MARCHF10: variants seen among roughly 807,000 people sequenced by gnomAD.
MARCHF10 encodes membrane associated ring-CH-type finger 10, also known as probable E3 ubiquitin-protein ligase MARCHF10.
A neutral mutation model predicts 76.2 loss-of-function variants in MARCHF10; 64 were observed. That is an observed-to-expected ratio of 0.84 (90% CI 0.69 to 1.03). The LOEUF is 1.03. Among genes scored for constraint, MARCHF10 ranks in the 50% least tolerant of loss-of-function variants. The pLI is 0.00. For synonymous variants in MARCHF10, 340 were observed against 357.5 expected (o/e 0.95, Z 0.55); for missense variants, 875 against 958.0 (o/e 0.91, Z 1.14).
intron 9 of MARCHF10, among the ~76,000 whole-genome samples, chr17:62,708,491 G>C (rs2089729900): frequency 6.6e-6 from 1 of 152,174 alleles, no homozygotes; most frequent in African/African-American, 2.4e-5. Flanking sequence ...TGATCCACCT[G>C]TCTCGGCCTC....
intron 4 of MARCHF10, chr17:62,750,153 TC>T: frequency 6.5e-6 from 1 of 153,448 alleles, no homozygotes; most frequent in Non-Finnish European, 1.5e-5. Context: ...AAGCCCGAAG[TC>T]CCCTCTCCCC....
At chr17:62,727,803 C>T (rs1032617364) in intron 6 of MARCHF10, among the ~76,000 whole-genome samples, 1 of 152,204 alleles carries the variant, frequency 6.6e-6, no homozygotes, top group African/African-American at 2.4e-5. Context: ...AAGGCATTCT[C>T]ACAGAAGCAT....
intron 4 of MARCHF10, among the ~76,000 whole-genome samples, chr17:62,759,175 G>A (rs1019216755): frequency 6.6e-6 from 1 of 152,202 alleles, no homozygotes; most frequent in Non-Finnish European, 1.5e-5. Flanking sequence ...AGATGTATTT[G>A]AAAGCTTCTC....
chr17:62,726,630 TTTG>T lies in MARCHF10; in HGVS notation c.1938-1529_1938-1527del, dbSNP rs575898196. ...GCAGAAAAGTGGTAGAAGATTATTT[TTTG>T]TTGTTGTTGTTTGTTTTGAGATGGA... is the stretch of plus-strand genomic sequence containing the variant. On this transcript the variant is annotated intron_variant, in intron 6 of 10. Transcript: ENST00000311269. Among the ~76,000 whole-genome samples the T allele has an allele frequency of 2.1e-3, 327 of 152,226 alleles. 1 individual carries two copies. The highest frequency in any genetic ancestry group is 7.5e-3 in the African/African-American group (311 of 41,534).
chr17:62,778,075 G>A (rs904832348), intron 3 of MARCHF10, among the ~76,000 whole-genome samples: 2 of 152,226 alleles, frequency 1.3e-5, no homozygotes, highest in Non-Finnish European at 2.9e-5. Flanking sequence ...CCCAGCCTAA[G>A]GGAGGAGGCA....
chr17:62,780,576 A>G (rs1301743758), intron 3 of MARCHF10, among the ~76,000 whole-genome samples: 1 of 152,152 alleles, frequency 6.6e-6, no homozygotes. Flanking sequence ...TGTAACCTTG[A>G]GTCCTGGTGA....
chr17:62,747,916 C>T (rs2091762398), intron 4 of MARCHF10, among the ~76,000 whole-genome samples: 1 of 152,188 alleles, frequency 6.6e-6, no homozygotes, highest in African/African-American at 2.4e-5. Flanking sequence ...CAAAGATGAA[C>T]AAGATGTTGC....
At chr17:62,763,216 G>C (rs149348011) in intron 3 of MARCHF10, among the ~76,000 whole-genome samples, 1 of 152,248 alleles carries the variant, frequency 6.6e-6, no homozygotes, top group East Asian at 1.9e-4. Context: ...AAATTAACTA[G>C]CTAACTACTG....
intron 3 of MARCHF10, 133 bp from the exon 4 acceptor site, chr17:62,760,139 G>GCCCGTTCAC (rs2092159062): frequency 2.9e-6 from 2 of 689,740 alleles, no homozygotes; most frequent in South Asian, 3.8e-5. Flanking sequence ...AGGTCAACAC[G>GCCCGTTCAC]CCCGTTCACC....
At chr17:62,732,992 C>CAAAAAAAAAAAAAAAAAAAAAACAAA in intron 6 of MARCHF10, among the ~76,000 whole-genome samples, 1 of 66,548 alleles carries the variant, frequency 1.5e-5, no homozygotes, top group African/African-American at 5.3e-5. Flanking sequence ...GACTCAGTCT[C>CAAAAAAAAAAAAAAAAAAAAAACAAA]AAAAAAAAAA....
At chr17:62,756,007 G>C (rs2092029632) in intron 4 of MARCHF10, among the ~76,000 whole-genome samples, 2 of 152,054 alleles carry the variant, frequency 1.3e-5, no homozygotes, top group African/African-American at 4.8e-5. Flanking sequence ...CCAGTACTCT[G>C]GGAGGCCAAG....
At chr17:62,763,384 T>C (rs1354131967) in intron 3 of MARCHF10, among the ~76,000 whole-genome samples, 1 of 152,202 alleles carries the variant, frequency 6.6e-6, no homozygotes, top group Non-Finnish European at 1.5e-5. Context: ...TATAATAGTA[T>C]GACAATCTTA....
chr17:62,769,508 T>C (rs7209486), intron 3 of MARCHF10, among the ~76,000 whole-genome samples: 94,718 of 152,008 alleles, frequency 0.62, 29,626 homozygotes, highest in East Asian at 0.77. Flanking sequence ...ACCTCCGCCC[T>C]GCAGGTTCAA....
chr17:62,796,332 T>C (rs577744407), intron 2 of MARCHF10, among the ~76,000 whole-genome samples: 86 of 152,348 alleles, frequency 5.6e-4, no homozygotes, highest in Non-Finnish European at 9.7e-4. Flanking sequence ...CTTTAAATTC[T>C]TTCTGGAACC....
intron 10 of MARCHF10, 115 bp from the exon 11 acceptor site, chr17:62,701,873 C>T (rs1204021968): frequency 5.9e-6 from 8 of 1,354,778 alleles, no homozygotes; most frequent in East Asian, 4.6e-5. Flanking sequence ...GGCCCAGCCA[C>T]CCACATGGCC....
At chr17:62,720,560 C>T (rs931424629) in intron 8 of MARCHF10, among the ~76,000 whole-genome samples, 6 of 152,164 alleles carry the variant, frequency 3.9e-5, no homozygotes, top group Non-Finnish European at 8.8e-5. Context: ...TGAGGGCAAA[C>T]TGTTAGTAAG....
intron 8 of MARCHF10, among the ~76,000 whole-genome samples, chr17:62,722,204 ACCTGT>A (rs2090520465): frequency 6.8e-6 from 1 of 146,356 alleles, no homozygotes; most frequent in African/African-American, 2.6e-5. Context: ...GATCGCTTGA[ACCTGT>A]GAGGCAGAGT....
intron 6 of MARCHF10, among the ~76,000 whole-genome samples, chr17:62,734,641 A>G (rs930568609): frequency 2.0e-5 from 3 of 152,232 alleles, no homozygotes; most frequent in Non-Finnish European, 4.4e-5. Context: ...TTAACTGTTT[A>G]TCTTTGGATG....
At chr17:62,799,189 C>T (rs9896726) in intron 2 of MARCHF10, among the ~76,000 whole-genome samples, 4,683 of 152,244 alleles carry the variant, frequency 0.031, 261 homozygotes, top group African/African-American at 0.11. Context: ...CTCACTCCGC[C>T]TCTCCATCTA....
Sources: gnomAD v4.1 joint callset for allele counts (sites outside exome capture counted in the v4.1 genomes callset) on GRCh38, gnomAD v4.1.1 for gene constraint, MANE v1.5 for transcripts, NCBI Gene and HGNC (gene_info 2026-07-23, HGNC 2026-07-21) for gene names.